TG: variants seen among roughly 807,000 people sequenced by gnomAD.
TG encodes the protein thyroglobulin, also known as thyroid hormones.
Under a neutral mutation model 324.7 loss-of-function variants are expected in TG, and 270 were observed. The ratio of observed to expected loss-of-function variants is 0.83; its 90% CI spans 0.75 to 0.92. The LOEUF is 0.92. TG is among the 40% of genes least tolerant of loss of function. The pLI is 0.00. For missense variants in TG, 3,591 were observed against 3,456.4 expected (o/e 1.04, Z -0.98); for synonymous variants, 1,401 against 1,327.0 (o/e 1.06, Z -1.21).
chr8:132,954,954 G>C (rs992290298), intron 27 of TG, among the ~76,000 whole-genome samples: 11 of 152,170 alleles, frequency 7.2e-5, no homozygotes, highest in Admixed American at 1.3e-4. Flanking sequence ...TCTAGCAGAG[G>C]GGCAAGGGAA....
chr8:132,942,296 A>C (rs1741942150), intron 26 of TG, among the ~76,000 whole-genome samples: 1 of 152,234 alleles, frequency 6.6e-6, no homozygotes, highest in South Asian at 2.1e-4. Context: ...AAAGATAATG[A>C]GTGCAAAATG....
chr8:132,868,154 T>G lies in TG; in HGVS notation c.107T>G (p.Leu36Arg). Reference sequence around the variant, plus strand: ...GCCCAGCCCCTTCGTCCCTGTGAGCTGCAGAGGGAAACGGCCTTTCTGAAG... The same window carrying G: ...GCCCAGCCCCTTCGTCCCTGTGAGCGGCAGAGGGAAACGGCCTTTCTGAAG... ...VDAQPLRPCE[L>R]QRETAFLKQA... is the part of the protein sequence containing the mutation. Residue 36 changes from leucine to arginine, a missense_variant, in exon 2 of 48, where the codon CTG becomes CGG. Leu to Arg is a moderately radical substitution (Grantham distance 102). Transcript: ENST00000220616. 1 of 1,614,174 alleles carries G rather than the reference T, an allele frequency of 6.2e-7. No individual in the cohort carries two copies. Among genetic ancestry groups the G allele is most frequent in the Non-Finnish European group, 8.5e-7 (1 of 1,180,018 alleles).
Position 132,871,444 on chromosome 8 carries a change from G to A in TG, c.371G>A (p.Gly124Glu), listed in dbSNP as rs749020016. Residue 124 changes from glycine (G) to glutamate (E), a missense_variant, in exon 4 of 48, where the codon GGG becomes GAG. Coordinates refer to ENST00000220616, the MANE Select transcript of TG (RefSeq NM_003235.5). ...TSYLPQCQDS[G>E]DYAPVQCDVQ... The stretch of plus-strand genomic sequence containing the variant: ...TACCTCCCTCAGTGTCAGGATTCAG[G>A]GGACTACGCGCCTGTTCAGTGTGAT... The A allele has an allele frequency of 6.2e-7, 1 of 1,614,178 alleles. No homozygotes were observed. The highest frequency in any genetic ancestry group is 8.5e-7 in the Non-Finnish European group (1 of 1,180,012).
chr8:132,897,045 A>G (rs1226674543), intron 11 of TG, among the ~76,000 whole-genome samples: 3 of 152,168 alleles, frequency 2.0e-5, no homozygotes, highest in East Asian at 1.9e-4. Context: ...AAGATCTGAT[A>G]TGATTTTTGT....
At chr8:133,131,973 T>C in intron 46 of TG, 27 bp downstream of exon 46, 1 of 1,613,888 alleles carries the variant, frequency 6.2e-7, no homozygotes, top group Non-Finnish European at 8.5e-7. Context: ...TGTTCAGAAT[T>C]CTGTCACTGT....
At chr8:133,059,616 G>A (rs1842069253) in intron 41 of TG, among the ~76,000 whole-genome samples, 1 of 151,986 alleles carries the variant, frequency 6.6e-6, no homozygotes, top group Non-Finnish European at 1.5e-5. Flanking sequence ...TTGTTTTCAG[G>A]AAGATGTCAC....
chr8:133,005,603 A>C (rs1371490594), intron 35 of TG, among the ~76,000 whole-genome samples: 2 of 152,296 alleles, frequency 1.3e-5, no homozygotes, highest in African/African-American at 4.8e-5. Flanking sequence ...ACCATTTTAT[A>C]GATAAGGAAA....
At chr8:132,928,139 T>G (rs1775701296) in intron 22 of TG, among the ~76,000 whole-genome samples, 1 of 152,230 alleles carries the variant, frequency 6.6e-6, no homozygotes, top group Non-Finnish European at 1.5e-5. Flanking sequence ...TTTCTGCACT[T>G]ATTATGAAAG....
At chr8:132,896,789 C>G (rs1817176435) in intron 11 of TG, among the ~76,000 whole-genome samples, 1 of 152,210 alleles carries the variant, frequency 6.6e-6, no homozygotes, top group Non-Finnish European at 1.5e-5. Flanking sequence ...AAACACAAAT[C>G]TCTGCACCAA....
At chr8:133,041,025 A>T (rs1452555393) in intron 41 of TG, among the ~76,000 whole-genome samples, 2 of 152,186 alleles carry the variant, frequency 1.3e-5, no homozygotes, top group Non-Finnish European at 2.9e-5. Context: ...GCTTCTCCCT[A>T]GCCCATGTTA....
intron 5 of TG, among the ~76,000 whole-genome samples, chr8:132,879,748 C>T (rs1374204384): frequency 6.6e-6 from 1 of 152,122 alleles, no homozygotes; most frequent in East Asian, 1.9e-4. Flanking sequence ...GTGCGGGAAG[C>T]AGGAATATCA....
At chr8:133,041,552 G>A (rs1192624491) in intron 41 of TG, among the ~76,000 whole-genome samples, 1 of 152,186 alleles carries the variant, frequency 6.6e-6, no homozygotes, top group Non-Finnish European at 1.5e-5. Flanking sequence ...CCCAGGATAT[G>A]AGGCGAGGAA....
intron 30 of TG, among the ~76,000 whole-genome samples, chr8:132,967,045 TC>T (rs1207781029): frequency 1.1e-3 from 164 of 149,386 alleles, no homozygotes; most frequent in African/African-American, 3.9e-3. Context: ...CACCCATCCA[TC>T]CATCCATCCA....
chr8:133,053,696 AAACAAAAACC>A (rs1564123685), intron 41 of TG, among the ~76,000 whole-genome samples: 7 of 152,234 alleles, frequency 4.6e-5, no homozygotes. Context: ...CTAACATTAA[AAACAAAAACC>A]AACAGAAACA....
At chr8:132,964,964 G>T (rs920988453) in intron 29 of TG, 1 of 702,010 alleles carries the variant, frequency 1.4e-6, no homozygotes, top group Non-Finnish European at 2.6e-6. Flanking sequence ...TCCAGGTAAG[G>T]GGAACACCTG....
rs1194171703 is a variant in TG at position 132,972,582 on chromosome 8, T to A, written c.6056-16T>A. On this transcript the variant is annotated splice_polypyrimidine_tract_variant and intron_variant, in intron 33 of 47. Coordinates refer to ENST00000220616, the MANE Select transcript of TG (RefSeq NM_003235.5). ...TTCCTGATTGTGGTTTTTTGTTTTT[T>A]TTTTTTCCACCCCAGGAGGAGAGGT... 1 of 1,607,594 alleles carries A rather than the reference T, an allele frequency of 6.2e-7. No homozygotes were observed. The highest frequency in any genetic ancestry group is 1.1e-5 in the South Asian group (1 of 90,188).
chr8:133,026,862 C>A (rs1328261067), intron 40 of TG, among the ~76,000 whole-genome samples: 2 of 152,194 alleles, frequency 1.3e-5, no homozygotes. Flanking sequence ...AACGTTAGAA[C>A]CTACACTTGT....
chr8:133,015,305 C>T (rs903660693), intron 37 of TG, among the ~76,000 whole-genome samples: 1 of 152,198 alleles, frequency 6.6e-6, no homozygotes, highest in South Asian at 2.1e-4. Context: ...ATGCTCACTT[C>T]CAAAAGATGT....
At chr8:133,128,337 G>GCACACA (rs59451880) in intron 45 of TG, among the ~76,000 whole-genome samples, 10,887 of 133,644 alleles carry the variant, frequency 0.081, 512 homozygotes, top group East Asian at 0.12. Flanking sequence ...CAAAAGGCGT[G>GCACACA]CACACACACA....
Sources: allele counts gnomAD v4.1 joint callset (sites outside exome capture counted in the v4.1 genomes callset), GRCh38; gene constraint gnomAD v4.1.1; transcripts MANE v1.5; gene names NCBI Gene and HGNC (gene_info 2026-07-23, HGNC 2026-07-21).